RSRC1: variants seen among roughly 807,000 people sequenced by gnomAD.
The protein encoded by RSRC1 is arginine and serine rich coiled-coil 1, also known as serine/Arginine-related protein 53.
Under a neutral mutation model 49.1 loss-of-function variants are expected in RSRC1, and 39 were observed. The ratio of observed to expected loss-of-function variants is 0.79; its 90% CI spans 0.61 to 1.04. RSRC1 has a LOEUF of 1.04. Among genes scored for constraint, RSRC1 ranks in the 50% least tolerant of loss-of-function variants. RSRC1 has a pLI of 0.00. For missense variants in RSRC1, 388 were observed against 402.4 expected (o/e 0.96, Z 0.31); for synonymous variants, 143 against 130.8 (o/e 1.09, Z -0.63).
At chr3:158,339,933 A>G (rs947269904) in intron 5 of RSRC1, among the ~76,000 whole-genome samples, 3 of 152,240 alleles carry the variant, frequency 2.0e-5, no homozygotes, top group Non-Finnish European at 4.4e-5. Context: ...GCTAAAACTG[A>G]TGAGATTTTC....
intron 3 of RSRC1, among the ~76,000 whole-genome samples, chr3:158,180,948 G>A (rs1194261083): frequency 6.6e-6 from 1 of 151,766 alleles, no homozygotes; most frequent in African/African-American, 2.4e-5. Flanking sequence ...GGGATTTCAG[G>A]CGCCCACCAC....
rs1481336970 is a variant in RSRC1, at chr3:158,229,071, C to A, written c.494+25826C>A. 3.0e-5 allele frequency among the ~76,000 whole-genome samples: 3 copies of A among 101,572 alleles called. 1 individual carries two copies. The East Asian group carries it at 1.2e-3, about 41-fold the overall frequency. The allele number at this position is 101,572 out of a possible 152,430, so 66.6% of individuals were successfully genotyped here. ...ATACGTGTATATGTGTGTATAAACA[C>A]GTGTATATGTGTGTATAAACACACA... On this transcript the variant is annotated intron_variant, in intron 4 of 9. Transcript: ENST00000611884.
rs546001695 is a variant in RSRC1 at position 158,158,091 on chromosome 3, A to G, written c.320+34100A>G. Reference sequence around the variant, plus strand: ...TATTTATGAATAGTATGTTCAATTAATGAGTTTTGAAATATGTACAAACCT... The same window carrying G: ...TATTTATGAATAGTATGTTCAATTAGTGAGTTTTGAAATATGTACAAACCT... On this transcript the variant is annotated intron_variant, in intron 3 of 9. Transcript: ENST00000611884. Among the ~76,000 whole-genome samples the G allele has an allele frequency of 1.1e-4, 17 of 152,324 alleles. No homozygotes were observed. The East Asian group carries it at 3.3e-3, about 29-fold the overall frequency.
At chr3:158,151,117 A>G (rs1424652129) in intron 3 of RSRC1, among the ~76,000 whole-genome samples, 1 of 152,226 alleles carries the variant, frequency 6.6e-6, no homozygotes, top group Non-Finnish European at 1.5e-5. Flanking sequence ...AGGCCCCTGC[A>G]ACAAAAGACA....
At chr3:158,167,528 G>A (rs910160508) in intron 3 of RSRC1, among the ~76,000 whole-genome samples, 1 of 152,126 alleles carries the variant, frequency 6.6e-6, no homozygotes, top group African/African-American at 2.4e-5. Context: ...TTATTTTAGG[G>A]AATTGCAGTT....
chr3:158,273,324 C>T (rs2108059474), intron 4 of RSRC1, among the ~76,000 whole-genome samples: 1 of 152,112 alleles, frequency 6.6e-6, no homozygotes, highest in Admixed American at 6.5e-5. Flanking sequence ...ACACATTTTC[C>T]ATTCATAAAG....
chr3:158,134,825 G>C (rs910741890), intron 3 of RSRC1, among the ~76,000 whole-genome samples: 12 of 152,182 alleles, frequency 7.9e-5, no homozygotes, highest in Admixed American at 3.9e-4. Context: ...GAGACAAAGA[G>C]ATGTGGAGTT....
chr3:158,120,177 C>G (rs1200156914), intron 1 of RSRC1, among the ~76,000 whole-genome samples: 29 of 152,078 alleles, frequency 1.9e-4, no homozygotes. Flanking sequence ...AATCTTTTAC[C>G]TATTGTAGTT....
chr3:158,412,859 C>G (rs528865950), intron 6 of RSRC1, among the ~76,000 whole-genome samples: 1 of 151,726 alleles, frequency 6.6e-6, no homozygotes, highest in Non-Finnish European at 1.5e-5. Context: ...GGTTTGTTTG[C>G]TCTATATCAT....
intron 6 of RSRC1, among the ~76,000 whole-genome samples, chr3:158,384,074 A>C (rs1190537609): frequency 6.6e-6 from 1 of 152,136 alleles, no homozygotes. Flanking sequence ...GTAGACTTCT[A>C]TGTATTAGTA....
intron 6 of RSRC1, among the ~76,000 whole-genome samples, chr3:158,433,007 A>G (rs1735855281): frequency 6.6e-6 from 1 of 151,944 alleles, no homozygotes; most frequent in Non-Finnish European, 1.5e-5. Flanking sequence ...AACACTTGAA[A>G]TTGTTATATA....
chr3:158,457,670 C>G (rs1737402165), intron 6 of RSRC1, among the ~76,000 whole-genome samples: 1 of 151,524 alleles, frequency 6.6e-6, no homozygotes, highest in Admixed American at 6.6e-5. Flanking sequence ...ATTAGGAGAG[C>G]ATTTCCAGAA....
chr3:158,252,311 G>A (rs887787580), intron 4 of RSRC1, among the ~76,000 whole-genome samples: 26 of 150,278 alleles, frequency 1.7e-4, no homozygotes, highest in Admixed American at 4.7e-4. Flanking sequence ...ACAGGCACCC[G>A]CCACCACGCC....
intron 3 of RSRC1, among the ~76,000 whole-genome samples, chr3:158,154,154 T>A (rs1300000137): frequency 6.9e-6 from 1 of 144,208 alleles, no homozygotes; most frequent in Non-Finnish European, 1.6e-5. Flanking sequence ...CTCTATACCA[T>A]AGTCTGTTAA....
At chr3:158,509,633 TTAATATTTTACAAATTAAAAA>T (rs1487340993) in intron 7 of RSRC1, among the ~76,000 whole-genome samples, 1 of 152,168 alleles carries the variant, frequency 6.6e-6, no homozygotes, top group African/African-American at 2.4e-5. Context: ...AGATATTATA[TTAATATTTTACAAATTAAAAA>T]ATTACAAGAT....
chr3:158,520,941 C>A (rs1228484610), intron 7 of RSRC1, among the ~76,000 whole-genome samples: 2 of 152,104 alleles, frequency 1.3e-5, no homozygotes, highest in Non-Finnish European at 2.9e-5. Flanking sequence ...TCTAACATAA[C>A]TAGAATTCCC....
At chr3:158,409,217 A>G (rs918255269) in intron 6 of RSRC1, among the ~76,000 whole-genome samples, 37 of 152,048 alleles carry the variant, frequency 2.4e-4, no homozygotes, top group African/African-American at 8.5e-4. Context: ...GAAATAATCT[A>G]TACAGTAAAC....
At chr3:158,267,908 T>A (rs1048947097) in intron 4 of RSRC1, among the ~76,000 whole-genome samples, 1 of 149,128 alleles carries the variant, frequency 6.7e-6, no homozygotes, top group African/African-American at 2.5e-5. Flanking sequence ...CCACTCTGGA[T>A]TCAGCTGTAT....
At chr3:158,432,626 G>A (rs1015235165) in intron 6 of RSRC1, among the ~76,000 whole-genome samples, 36 of 151,934 alleles carry the variant, frequency 2.4e-4, no homozygotes, top group African/African-American at 5.8e-4. Context: ...GTTAGCTTTC[G>A]TAGTTTTGAA....
Sources: gnomAD v4.1 joint callset for allele counts (sites outside exome capture counted in the v4.1 genomes callset) on GRCh38, gnomAD v4.1.1 for gene constraint, MANE v1.5 for transcripts, NCBI Gene and HGNC (gene_info 2026-07-23, HGNC 2026-07-21) for gene names.